TMTC2: variants seen among roughly 807,000 people sequenced by gnomAD.
The protein encoded by TMTC2 is protein O-mannosyl-transferase TMTC2.
A neutral mutation model predicts 82.4 loss-of-function variants in TMTC2; 43 were observed. The ratio of observed to expected loss-of-function variants is 0.52; its 90% CI spans 0.41 to 0.67. TMTC2 has a LOEUF of 0.67. TMTC2 is among the 30% of genes least tolerant of loss of function. The pLI, the probability that TMTC2 is intolerant of heterozygous loss-of-function variation, is 0.00. For missense variants in TMTC2, 919 were observed against 1,012.4 expected, an observed-to-expected ratio of 0.91 and a Z score of 1.25; for synonymous variants, 408 against 381.9, an observed-to-expected ratio of 1.07 and a Z score of -0.80.
intron 2 of TMTC2, among the ~76,000 whole-genome samples, chr12:82,895,284 G>A (rs548897283): frequency 6.1e-4 from 93 of 152,186 alleles, no homozygotes; most frequent in Admixed American, 8.5e-4. Context: ...CAATGAAATG[G>A]GGACTGGCTT....
chr12:82,951,540 C>T (rs986018664), intron 4 of TMTC2, among the ~76,000 whole-genome samples: 4 of 152,076 alleles, frequency 2.6e-5, no homozygotes, highest in Non-Finnish European at 4.4e-5. Flanking sequence ...AGGCTAGTCT[C>T]GAACTCCTGA....
At chr12:82,745,404 A>T (rs902997049) in intron 1 of TMTC2, among the ~76,000 whole-genome samples, 2 of 152,192 alleles carry the variant, frequency 1.3e-5, no homozygotes, top group Admixed American at 6.5e-5. Flanking sequence ...ACAGGTAGTG[A>T]TCTCTTTAGT....
intron 4 of TMTC2, among the ~76,000 whole-genome samples, chr12:82,943,856 C>A (rs1457322213): frequency 6.6e-6 from 1 of 152,164 alleles, no homozygotes; most frequent in Non-Finnish European, 1.5e-5. Context: ...GTAGTTTCTA[C>A]TCTCAAGTAA....
chr12:82,789,311 A>G (rs952992908), intron 1 of TMTC2, among the ~76,000 whole-genome samples: 1 of 152,160 alleles, frequency 6.6e-6, no homozygotes, highest in Admixed American at 6.5e-5. Flanking sequence ...TGTGGGGTCT[A>G]ATTGTGTGTA....
chr12:83,063,080 A>T (rs1882799503), intron 11 of TMTC2, among the ~76,000 whole-genome samples: 2 of 151,816 alleles, frequency 1.3e-5, no homozygotes, highest in Non-Finnish European at 1.5e-5. Flanking sequence ...GACCCAGGAA[A>T]ATATTTTTTA....
chr12:82,719,947 A>G (rs1874124810), intron 1 of TMTC2, among the ~76,000 whole-genome samples: 1 of 152,240 alleles, frequency 6.6e-6, no homozygotes. Flanking sequence ...ACTTTTTATA[A>G]TTAAATATTT....
intron 7 of TMTC2, among the ~76,000 whole-genome samples, chr12:82,977,816 C>G (rs934241497): frequency 6.6e-6 from 1 of 151,816 alleles, no homozygotes; most frequent in South Asian, 2.1e-4. Context: ...AAGTGCAGTA[C>G]TTACATAAAA....
At chr12:83,033,373 G>A (rs951063848) in intron 9 of TMTC2, among the ~76,000 whole-genome samples, 7 of 152,184 alleles carry the variant, frequency 4.6e-5, no homozygotes, top group Admixed American at 1.3e-4. Context: ...TAAGATTGAA[G>A]CCTAGAGAAA....
At chr12:82,808,693 C>T (rs1298553231) in intron 1 of TMTC2, among the ~76,000 whole-genome samples, 1 of 152,040 alleles carries the variant, frequency 6.6e-6, no homozygotes, top group East Asian at 1.9e-4. Context: ...GTATTCTTCT[C>T]CTGCCACTGC....
At chr12:83,068,976 G>C (rs1883015259) in intron 11 of TMTC2, among the ~76,000 whole-genome samples, 1 of 152,012 alleles carries the variant, frequency 6.6e-6, no homozygotes, top group Non-Finnish European at 1.5e-5. Flanking sequence ...TTCCATTCCT[G>C]AGTTACTTCA....
At chr12:83,057,159 C>T (rs1882574810) in intron 10 of TMTC2, among the ~76,000 whole-genome samples, 1 of 151,832 alleles carries the variant, frequency 6.6e-6, no homozygotes, top group Non-Finnish European at 1.5e-5. Flanking sequence ...TTAATTTTTC[C>T]CACTACACAT....
chr12:82,807,113 GAT>G (rs1179906438), intron 1 of TMTC2, among the ~76,000 whole-genome samples: 2 of 152,132 alleles, frequency 1.3e-5, no homozygotes, highest in Non-Finnish European at 2.9e-5. Context: ...AATATTCGGA[GAT>G]ATTAGTGTGC....
chr12:82,957,075 A>G (rs1053971120), intron 4 of TMTC2, among the ~76,000 whole-genome samples: 2 of 152,138 alleles, frequency 1.3e-5, no homozygotes, highest in Non-Finnish European at 2.9e-5. Context: ...ACCACCCAAT[A>G]TACATTCTTC....
chr12:82,819,410 C>T (rs1868944878), intron 1 of TMTC2, among the ~76,000 whole-genome samples: 1 of 151,776 alleles, frequency 6.6e-6, no homozygotes, highest in East Asian at 1.9e-4. Flanking sequence ...AGATAATCTC[C>T]AGTTTATCAT....
intron 11 of TMTC2, among the ~76,000 whole-genome samples, chr12:83,106,536 C>T (rs1166118463): frequency 6.8e-6 from 1 of 147,980 alleles, no homozygotes. Context: ...AGTACACACA[C>T]ATAAAAGATA....
chr12:82,727,451 T>A (rs545153305), intron 1 of TMTC2, among the ~76,000 whole-genome samples: 5 of 152,064 alleles, frequency 3.3e-5, no homozygotes, highest in Non-Finnish European at 7.4e-5. Context: ...AACTTAAAAT[T>A]TTCTGTTTTT....
At chr12:82,805,635 GTAGCTGGGACTA>G (rs1208714479) in intron 1 of TMTC2, among the ~76,000 whole-genome samples, 1 of 149,962 alleles carries the variant, frequency 6.7e-6, no homozygotes. Flanking sequence ...AGCCTCCCTA[GTAGCTGGGACTA>G]TAGGCACCTG....
At chr12:82,781,881 C>T (rs1199557958) in intron 1 of TMTC2, among the ~76,000 whole-genome samples, 2 of 151,826 alleles carry the variant, frequency 1.3e-5, no homozygotes, top group Admixed American at 1.3e-4. Context: ...TCTTGCTGTT[C>T]ATTCCTGGGG....
At chr12:82,772,361 T>C (rs578040772) in intron 1 of TMTC2, among the ~76,000 whole-genome samples, 1 of 152,326 alleles carries the variant, frequency 6.6e-6, no homozygotes, top group South Asian at 2.1e-4. Context: ...GCATTTTCAG[T>C]GGAGTCTTGA....
Sources: gnomAD v4.1 joint callset for allele counts (sites outside exome capture counted in the v4.1 genomes callset) on GRCh38, gnomAD v4.1.1 for gene constraint, MANE v1.5 for transcripts, NCBI Gene and HGNC (gene_info 2026-07-23, HGNC 2026-07-21) for gene names.